SPDYE6: variants seen among roughly 807,000 people sequenced by gnomAD.
SPDYE6 encodes speedy protein E6.
For synonymous variants in SPDYE6, 2 were observed against 103.0 expected (o/e 0.02, Z 5.94); for missense variants, 8 against 297.9 (o/e 0.03, Z 7.16).
In SPDYE6 at chr7:102,346,224, ATATT is replaced by A. The variant is rs1794493702; in HGVS notation, c.*1039_*1042del. On this transcript the variant is annotated 3_prime_UTR_variant, in exon 8 of 8. Coordinates refer to ENST00000563237, the MANE Select transcript of SPDYE6 (RefSeq NM_001146210.4). ...CAGTATTTCCAAAATATTTAAAATA[ATATT>A]TAATGTAAAAATAATATTTAAATAA... 6.7e-6 allele frequency among the ~76,000 whole-genome samples: 1 copy of A among 148,908 alleles called. No homozygotes were observed. Among genetic ancestry groups the A allele is most frequent in the Non-Finnish European group, 1.5e-5 (1 of 67,386 alleles).
intron 4 of SPDYE6, 121 bp downstream of exon 4, chr7:102,351,945 A>T: frequency 1.1e-6 from 1 of 903,088 alleles, no homozygotes; most frequent in East Asian, 3.5e-5. Context: ...AAAAAAAAAA[A>T]AAAAAAGACT....
At chr7:102,352,493 GA>G (rs1243397575) in intron 3 of SPDYE6, among the ~76,000 whole-genome samples, 4 of 142,184 alleles carry the variant, frequency 2.8e-5, no homozygotes. Context: ...CCCCACTATG[GA>G]TGGAGACACT....
In SPDYE6 at chr7:102,346,446, T is replaced by C. The variant is rs1405400114; in HGVS notation, c.*821A>G. Among the ~76,000 whole-genome samples the C allele has an allele frequency of 4.6e-5, 7 of 150,644 alleles. No individual in the cohort carries two copies. Among genetic ancestry groups the C allele is most frequent in the Non-Finnish European group, 1.0e-4 (7 of 67,506 alleles). Reference sequence around the variant, plus strand: ...AACCTAAACAGCAAATAAAAATTTCTATCACCAGAATTATGTATTTTTCTG... The same window carrying C: ...AACCTAAACAGCAAATAAAAATTTCCATCACCAGAATTATGTATTTTTCTG... On this transcript the variant is annotated 3_prime_UTR_variant, in exon 8 of 8. Transcript: ENST00000563237.
rs1376012304 is a variant in SPDYE6 at position 102,346,139 on chromosome 7, A to G, written c.*1128T>C. ...GGAAAACAAAATTATATGTATGTGTATATAACAGTTATAATACCCATCACA... is the reference window on the plus strand; with the variant it reads ...GGAAAACAAAATTATATGTATGTGTGTATAACAGTTATAATACCCATCACA... On this transcript the variant is annotated 3_prime_UTR_variant, in exon 8 of 8. Coordinates refer to ENST00000563237, the MANE Select transcript of SPDYE6 (RefSeq NM_001146210.4). Among the ~76,000 whole-genome samples, 1 of 151,268 alleles carries G rather than the reference A, an allele frequency of 6.6e-6. No individual in the cohort carries two copies. The highest frequency in any genetic ancestry group is 1.5e-5 in the Non-Finnish European group (1 of 67,822).
chr7:102,346,364 G>A lies in SPDYE6; in HGVS notation c.*903C>T, dbSNP rs1430397655. Among the ~76,000 whole-genome samples, 53 of 148,526 alleles carry A rather than the reference G, an allele frequency of 3.6e-4. No individual in the cohort carries two copies. The highest frequency in any genetic ancestry group is 7.0e-4 in the Non-Finnish European group (47 of 66,830). ...TAGATAGTATATATTAGACGTGTTAGTATATATATCTGAGACATGTTAAAA... is the reference window on the plus strand; with the variant it reads ...TAGATAGTATATATTAGACGTGTTAATATATATATCTGAGACATGTTAAAA... On this transcript the variant is annotated 3_prime_UTR_variant, in exon 8 of 8. Transcript: ENST00000563237.
In SPDYE6 at chr7:102,346,305, C is replaced by A. The variant is rs1487525391; in HGVS notation, c.*962G>T. Among the ~76,000 whole-genome samples, 1 of 126,186 alleles carries A rather than the reference C, an allele frequency of 7.9e-6. No homozygotes were observed. Among genetic ancestry groups the A allele is most frequent in the Admixed American group, 7.6e-5 (1 of 13,126 alleles). The allele number at this position is 126,186 out of a possible 152,430, so 82.8% of individuals were successfully genotyped here. A position where few individuals can be genotyped will look rare whatever the true frequency, so the allele number is the denominator to read the frequency against. On this transcript the variant is annotated 3_prime_UTR_variant, in exon 8 of 8. Coordinates refer to ENST00000563237, the MANE Select transcript of SPDYE6 (RefSeq NM_001146210.4). ...TAAATAAAATAATATTTAAATAATT[C>A]TATACCCATGTTTTTCAAAATAAAC...
chr7:102,353,944 T>C, intron 2 of SPDYE6, among the ~76,000 whole-genome samples: 1 of 80,104 alleles, frequency 1.2e-5, no homozygotes, highest in East Asian at 4.1e-4. Context: ...ATTACAGGTG[T>C]GAGCCACTGC....
At chr7:102,355,539 C>CT (rs781801543) in intron 1 of SPDYE6, among the ~76,000 whole-genome samples, 64 of 602 alleles carry the variant, frequency 0.11, no homozygotes, top group South Asian at 0.21. Flanking sequence ...CCCTTCTTTT[C>CT]TTTTTTTTTT....
rs535251530 is a variant in SPDYE6 at position 102,346,057 on chromosome 7, T to C, written c.*1210A>G. On this transcript the variant is annotated 3_prime_UTR_variant, in exon 8 of 8. Transcript: ENST00000563237. ...CTCCCTTCAGCAGCACGTGTAATAA[T>C]AGATACAAAGATTGAAAGGTAAAAG... 1.9e-3 allele frequency among the ~76,000 whole-genome samples: 284 copies of C among 151,608 alleles called. 1 individual carries two copies. Among genetic ancestry groups the C allele is most frequent in the African/African-American group, 6.3e-3 (260 of 41,406 alleles).
chr7:102,353,637 C>CTT (rs374776632), intron 2 of SPDYE6, among the ~76,000 whole-genome samples: 506 of 123,610 alleles, frequency 4.1e-3, no homozygotes, highest in African/African-American at 0.014. Context: ...CTCTGAGTCC[C>CTT]TTTTTTTTTT....
At chr7:102,353,651 T>G (rs555376175) in intron 2 of SPDYE6, among the ~76,000 whole-genome samples, 3 of 149,986 alleles carry the variant, frequency 2.0e-5, no homozygotes, top group African/African-American at 7.5e-5. Context: ...TTTTTTTTTT[T>G]TTTTTCGTTG....
rs1170127768 is a variant in SPDYE6, at chr7:102,346,461, G to A, written c.*806C>T. 6.6e-6 allele frequency among the ~76,000 whole-genome samples: 1 copy of A among 150,770 alleles called. No individual in the cohort carries two copies. The highest frequency in any genetic ancestry group is 1.9e-4 in the East Asian group (1 of 5,172). Reference sequence around the variant, plus strand: ...TAAAAATTTCTATCACCAGAATTATGTATTTTTCTGGTGGGGAACTACCAA... The same window carrying A: ...TAAAAATTTCTATCACCAGAATTATATATTTTTCTGGTGGGGAACTACCAA... On this transcript the variant is annotated 3_prime_UTR_variant, in exon 8 of 8. Coordinates refer to ENST00000563237, the MANE Select transcript of SPDYE6 (RefSeq NM_001146210.4).
chr7:102,353,655 T>TTTG (rs368227936), intron 2 of SPDYE6, among the ~76,000 whole-genome samples: 2,709 of 147,424 alleles, frequency 0.018, no homozygotes, highest in African/African-American at 0.066. Flanking sequence ...TTTTTTTTTT[T>TTTG]TCGTTGTTGT....
At chr7:102,354,035 T>C (rs1794618893) in intron 2 of SPDYE6, among the ~76,000 whole-genome samples, 1 of 52,972 alleles carries the variant, frequency 1.9e-5, no homozygotes, top group Non-Finnish European at 3.7e-5. Flanking sequence ...CCTTCCTTTT[T>C]TTTTTTTTTT....
In SPDYE6 at chr7:102,346,278, A is replaced by C. The variant is rs1445271806; in HGVS notation, c.*989T>G. Among the ~76,000 whole-genome samples, 1 of 147,588 alleles carries C rather than the reference A, an allele frequency of 6.8e-6. No homozygotes were observed. The highest frequency in any genetic ancestry group is 1.5e-5 in the Non-Finnish European group (1 of 66,920). Reference sequence around the variant, plus strand: ...AATAAATATATTTAATAAATATTTAAATAAATAAAATAATATTTAAATAAT... The same window carrying C: ...AATAAATATATTTAATAAATATTTACATAAATAAAATAATATTTAAATAAT... On this transcript the variant is annotated 3_prime_UTR_variant, in exon 8 of 8. Coordinates refer to ENST00000563237, the MANE Select transcript of SPDYE6 (RefSeq NM_001146210.4).
rs186657339 is a variant in SPDYE6, at chr7:102,346,251, T to C, written c.*1016A>G. On this transcript the variant is annotated 3_prime_UTR_variant, in exon 8 of 8. Coordinates refer to ENST00000563237, the MANE Select transcript of SPDYE6 (RefSeq NM_001146210.4). ...ATTTAATGTAAAAATAATATTTAAA[T>C]AAATAAATATATTTAATAAATATTT... Among the ~76,000 whole-genome samples, 74 of 147,778 alleles carry C rather than the reference T, an allele frequency of 5.0e-4. No individual in the cohort carries two copies. Among genetic ancestry groups the C allele is most frequent in the African/African-American group, 1.8e-3 (72 of 40,868 alleles).
intron 2 of SPDYE6, among the ~76,000 whole-genome samples, chr7:102,354,041 T>C: frequency 1.9e-5 from 1 of 53,598 alleles, no homozygotes; most frequent in East Asian, 5.1e-4. Context: ...TTTTTTTTTT[T>C]TTTTTTGAGA....
chr7:102,351,673 G>A (rs1474776695), intron 4 of SPDYE6, among the ~76,000 whole-genome samples: 6 of 90,802 alleles, frequency 6.6e-5, no homozygotes, highest in Admixed American at 6.5e-4. Flanking sequence ...AGGCCAAGGC[G>A]GGTGGATCGC....
chr7:102,352,310 C>CTGCT (rs1306378020), intron 3 of SPDYE6, among the ~76,000 whole-genome samples, 186 bp from the exon 4 acceptor site: 34 of 151,416 alleles, frequency 2.2e-4, no homozygotes, highest in Non-Finnish European at 4.4e-4. Flanking sequence ...CTGAGACTCC[C>CTGCT]CTGAGAAGAG....
Sources: allele counts gnomAD v4.1 joint callset (sites outside exome capture counted in the v4.1 genomes callset), GRCh38; gene constraint gnomAD v4.1.1; transcripts MANE v1.5; gene names NCBI Gene and HGNC (gene_info 2026-07-23, HGNC 2026-07-21).